Variants in DPYSL2 observed in about 807,000 individuals in gnomAD.
DPYSL2 encodes the protein dihydropyrimidinase-related protein 2.
Under a neutral mutation model 69.9 loss-of-function variants are expected in DPYSL2, and 13 were observed. The observed-to-expected ratio is 0.19, with a 90% CI of 0.12 to 0.30. The LOEUF (loss-of-function observed/expected upper bound fraction) is 0.30, where lower values mean the gene tolerates loss of function less well. DPYSL2 is among the 10% of genes least tolerant of loss of function. DPYSL2 has a pLI of 1.00. For missense variants in DPYSL2, 587 were observed against 918.9 expected (o/e 0.64, Z 4.67); for synonymous variants, 326 against 359.1 (o/e 0.91, Z 1.04).
chr8:26,583,871 C>T lies in DPYSL2; in HGVS notation c.516C>T (p.Pro172=), dbSNP rs560847160. The change falls in exon 3 of 14, where the codon CCC becomes CCT. Residue 172 remains proline, a synonymous_variant. Coordinates refer to ENST00000521913, the MANE Select transcript of DPYSL2 (RefSeq NM_001197293.3). ...AGGCCCACTCCCGGATGGTGATCCCCGGAGGAATTGACGTCCACACTCGTT... is the reference window on the plus strand; with the variant it reads ...AGGCCCACTCCCGGATGGTGATCCCTGGAGGAATTGACGTCCACACTCGTT... ...TIEAHSRMVI[P]GGIDVHTRFQ... The T allele has an allele frequency of 5.0e-5, 81 of 1,614,018 alleles. No homozygotes were observed. The highest frequency in any genetic ancestry group is 3.3e-4 in the Middle Eastern group (2 of 6,084).
chr8:26,545,642 C>T (rs1203138917), intron 1 of DPYSL2, among the ~76,000 whole-genome samples: 1 of 152,068 alleles, frequency 6.6e-6, no homozygotes, highest in East Asian at 1.9e-4. Flanking sequence ...TGGCATGCAC[C>T]TGTGATCCCA....
chr8:26,623,599 A>G (rs913958247), intron 3 of DPYSL2, among the ~76,000 whole-genome samples: 1 of 152,164 alleles, frequency 6.6e-6, no homozygotes, highest in Non-Finnish European at 1.5e-5. Context: ...CAGTTTTAAA[A>G]CACTTTGAAC....
At chr8:26,592,643 T>G (rs1424398738) in intron 3 of DPYSL2, among the ~76,000 whole-genome samples, 5 of 151,306 alleles carry the variant, frequency 3.3e-5, no homozygotes, top group Non-Finnish European at 5.9e-5. Context: ...GCCCAGCTAA[T>G]TTTTTTTGTA....
chr8:26,578,185 C>T (rs1363707632), intron 1 of DPYSL2: 1 of 1,610,204 alleles, frequency 6.2e-7, no homozygotes, highest in Non-Finnish European at 8.5e-7. Flanking sequence ...CAAAAAAAAC[C>T]CAAGTCCCCT....
At chr8:26,573,251 G>T (rs1176718366) in intron 1 of DPYSL2, among the ~76,000 whole-genome samples, 1 of 152,216 alleles carries the variant, frequency 6.6e-6, no homozygotes, top group Non-Finnish European at 1.5e-5. Context: ...CTGACTGGGT[G>T]TGGTGGCTCA....
In DPYSL2 at chr8:26,584,062, C is replaced by T. The variant is rs1801545056; in HGVS notation, c.628+79C>T. ...AATAAGTCTATTGTTTGATTCTCTC[C>T]TTCTAAAACTTGCTGTCCTGAGCCA... On this transcript the variant is annotated intron_variant, in intron 3 of 13. Coordinates refer to ENST00000521913, the MANE Select transcript of DPYSL2 (RefSeq NM_001197293.3). The T allele has an allele frequency of 4.2e-6, 6 of 1,437,924 alleles. No individual in the cohort carries two copies. In the Admixed American group the frequency reaches 1.2e-4, roughly 29 times the overall value. 89.1% of individuals were successfully genotyped at this position (1,437,924 alleles called of 1,614,324 possible). A position where few individuals can be genotyped will look rare whatever the true frequency, so the allele number is the denominator to read the frequency against.
intron 3 of DPYSL2, among the ~76,000 whole-genome samples, chr8:26,589,903 C>G (rs73226171): frequency 5.3e-4 from 80 of 152,290 alleles, no homozygotes; most frequent in Non-Finnish European, 6.2e-4. Context: ...TGGGCTTGTC[C>G]CGGCTCTTCC....
chr8:26,633,256 C>G (rs1485637345), intron 7 of DPYSL2, among the ~76,000 whole-genome samples: 1 of 152,234 alleles, frequency 6.6e-6, no homozygotes, highest in Non-Finnish European at 1.5e-5. Context: ...GCCCCAGTCC[C>G]TCCCCTCCAA....
chr8:26,644,219 T>A lies in DPYSL2; in HGVS notation c.1425+128T>A. The A allele has an allele frequency of 9.0e-7, 1 of 1,116,766 alleles. No individual in the cohort carries two copies. Among genetic ancestry groups the A allele is most frequent in the South Asian group, 2.1e-5 (1 of 47,698 alleles). 69.2% of individuals were successfully genotyped at this position (1,116,766 alleles called of 1,614,324 possible). On this transcript the variant is annotated intron_variant, in intron 10 of 13. Coordinates refer to ENST00000521913, the MANE Select transcript of DPYSL2 (RefSeq NM_001197293.3). This position sits in a 1 kb window ranked among gnomAD's most constrained non-coding sequence, Gnocchi z 4.5. ...AGGACATCCTAGAAGCCAGTACTTA[T>A]ATGACAATATTTCTGAGGGTTGGAA...
intron 1 of DPYSL2, among the ~76,000 whole-genome samples, chr8:26,555,082 T>TACTCTC (rs60476037): frequency 0.87 from 132,573 of 151,666 alleles, 58,347 homozygotes; most frequent in East Asian, 0.99. Flanking sequence ...TAGTGATAGA[T>TACTCTC]AGAAAGCTAA....
chr8:26,635,372 C>T (rs930470), intron 8 of DPYSL2, among the ~76,000 whole-genome samples: 96,857 of 152,048 alleles, frequency 0.64, 32,947 homozygotes, highest in Non-Finnish European at 0.76. Context: ...TGTTTTGGTG[C>T]TTGATAAACT....
In DPYSL2 at chr8:26,582,817, A is replaced by G. The variant is rs1801518917; in HGVS notation, c.443+760A>G. On this transcript the variant is annotated intron_variant, in intron 2 of 13. Transcript: ENST00000521913. This position sits in a 1 kb window ranked among gnomAD's most constrained non-coding sequence, Gnocchi z 4.1. Reference sequence around the variant, plus strand: ...GCTTTTAAATAAGCAGCATTCATCAAGGGATAGCTGTAAACCGGTCCAGAG... The same window carrying G: ...GCTTTTAAATAAGCAGCATTCATCAGGGGATAGCTGTAAACCGGTCCAGAG... 6.6e-6 allele frequency among the ~76,000 whole-genome samples: 1 copy of G among 152,224 alleles called. No individual in the cohort carries two copies. Among genetic ancestry groups the G allele is most frequent in the Admixed American group, 6.5e-5 (1 of 15,284 alleles).
chr8:26,524,913 A>G (rs1426099671), intron 1 of DPYSL2, among the ~76,000 whole-genome samples: 1 of 147,374 alleles, frequency 6.8e-6, no homozygotes, highest in Non-Finnish European at 1.5e-5. Flanking sequence ...CCAAGTTTAT[A>G]GGTGGCAAAT....
chr8:26,631,168 C>A (rs1802763297), intron 7 of DPYSL2, among the ~76,000 whole-genome samples: 1 of 152,186 alleles, frequency 6.6e-6, no homozygotes, highest in Admixed American at 6.5e-5. Flanking sequence ...AGTTGTTATT[C>A]TGGTTGCTTG....
At chr8:26,527,771 A>T (rs1196187056) in intron 1 of DPYSL2, among the ~76,000 whole-genome samples, 3 of 151,928 alleles carry the variant, frequency 2.0e-5, no homozygotes, top group Non-Finnish European at 4.4e-5. Context: ...GGGCCTTATA[A>T]AAAACTGAAT....
chr8:26,601,920 G>C (rs1345101047), intron 3 of DPYSL2, among the ~76,000 whole-genome samples: 1 of 152,224 alleles, frequency 6.6e-6, no homozygotes, highest in African/African-American at 2.4e-5. Flanking sequence ...ACAAAGACAG[G>C]ATTGTATATG....
At position 26,545,548 on chromosome 8, in the gene DPYSL2, A is replaced by C. The variant is rs114172553; in HGVS notation, c.354+30869A>C. Among the ~76,000 whole-genome samples, 238 of 152,284 alleles carry C rather than the reference A, an allele frequency of 1.6e-3. 1 individual carries two copies. Among genetic ancestry groups the C allele is most frequent in the African/African-American group, 5.4e-3 (226 of 41,564 alleles). Reference sequence around the variant, plus strand: ...CAGGACCTCCAAACTAGCCTGGCTAACGTGGTCTGGAGTTCAAGATCATCC... The same window carrying C: ...CAGGACCTCCAAACTAGCCTGGCTACCGTGGTCTGGAGTTCAAGATCATCC... On this transcript the variant is annotated intron_variant, in intron 1 of 13. Coordinates refer to ENST00000521913, the MANE Select transcript of DPYSL2 (RefSeq NM_001197293.3).
At chr8:26,545,927 T>A (rs545204619) in intron 1 of DPYSL2, among the ~76,000 whole-genome samples, 13 of 152,358 alleles carry the variant, frequency 8.5e-5, no homozygotes, top group Middle Eastern at 3.4e-3. Flanking sequence ...TCAGGAAGTA[T>A]CTGACTTGTT....
chr8:26,577,021 C>G (rs902236198), intron 1 of DPYSL2: 20 of 337,828 alleles, frequency 5.9e-5, no homozygotes, highest in Non-Finnish European at 1.1e-4. Flanking sequence ...GCGGCTGCTC[C>G]CCATTCCTCC....
Sources: allele counts gnomAD v4.1 joint callset (sites outside exome capture counted in the v4.1 genomes callset), GRCh38; gene constraint gnomAD v4.1.1; non-coding constraint Gnocchi (gnomAD v3.1); transcripts MANE v1.5; gene names NCBI Gene and HGNC (gene_info 2026-07-23, HGNC 2026-07-21).